The following FGF14 variants were observed in gnomAD, a reference collection of about 807,000 sequenced individuals.
FGF14 encodes the protein fibroblast growth factor 14.
In FGF14, 5 loss-of-function variants were observed where a neutral mutation model predicts 25.5. The ratio of observed to expected loss-of-function variants is 0.20; its 90% confidence interval spans 0.10 to 0.41. The LOEUF is 0.41. FGF14 is among the 10% of genes least tolerant of loss of function. The probability of loss-of-function intolerance (pLI) is 1.00; values close to 1 mark genes in which losing one functional copy is unlikely to be tolerated. For missense variants in FGF14, 222 were observed against 320.1 expected, an observed-to-expected ratio of 0.69 and a Z score of 2.34; for synonymous variants, 138 against 118.3, an observed-to-expected ratio of 1.17 and a Z score of -1.08.
chr13:101,747,460 C>T (rs563921172), intron 3 of FGF14, among the ~76,000 whole-genome samples: 7 of 151,964 alleles, frequency 4.6e-5, no homozygotes, highest in Admixed American at 6.6e-5. Flanking sequence ...TTACTTTTGG[C>T]AAGTTCTTTA....
chr13:101,902,567 T>A (rs999254981), intron 1 of FGF14, among the ~76,000 whole-genome samples: 1 of 152,224 alleles, frequency 6.6e-6, no homozygotes, highest in Non-Finnish European at 1.5e-5. Flanking sequence ...CACTATTAAC[T>A]CATATGTTTA....
chr13:102,328,155 T>G (rs184993448), intron 1 of FGF14, among the ~76,000 whole-genome samples: 369 of 152,258 alleles, frequency 2.4e-3, no homozygotes, highest in African/African-American at 8.2e-3. Flanking sequence ...TCTCACTGTT[T>G]TATTTTGTAC....
rs2034741405 is a variant in FGF14, at chr13:101,716,786, A to G, written c.*6045T>C. On this transcript the variant is annotated 3_prime_UTR_variant, in exon 5 of 5. Coordinates refer to ENST00000376143, the MANE Select transcript of FGF14 (RefSeq NM_004115.4). ...TGGCACCAATCTCAGAAGCTCACAA[A>G]AGACCAAAAAAAAAAAAAAATCTAG... 2.3e-5 allele frequency: 1 copy of G among 43,974 alleles called. No individual in the cohort carries two copies. The highest frequency in any genetic ancestry group is 3.6e-4 in the Admixed American group (1 of 2,788). 2.7% of individuals were successfully genotyped at this position (43,974 alleles called of 1,614,324 possible). A position where few individuals can be genotyped will look rare whatever the true frequency, so the allele number is the denominator to read the frequency against.
chr13:102,196,956 G>GTTT lies in FGF14; in HGVS notation c.208+204514_208+204515insAAA, dbSNP rs147361349. Among the ~76,000 whole-genome samples, 171 of 147,014 alleles carry GTTT rather than the reference G, an allele frequency of 1.2e-3. 1 individual carries two copies. Among genetic ancestry groups the GTTT allele is most frequent in the African/African-American group, 2.5e-3 (99 of 39,998 alleles). On this transcript the variant is annotated intron_variant, in intron 1 of 4. Coordinates refer to the FGF14 transcript ENST00000376131. ...ACCTGAGTCCAGATTTTGTTTTTTT[G>GTTT]GTTTTTTTTTTTCTGCTCTTACAAT...
chr13:102,287,195 G>A (rs2054148178), intron 1 of FGF14, among the ~76,000 whole-genome samples: 1 of 152,180 alleles, frequency 6.6e-6, no homozygotes, highest in Non-Finnish European at 1.5e-5. Context: ...CGATTAGGAA[G>A]AAGGCTAGTA....
chr13:102,173,346 C>T (rs919520263), intron 1 of FGF14, among the ~76,000 whole-genome samples: 5 of 152,022 alleles, frequency 3.3e-5, no homozygotes, highest in Non-Finnish European at 5.9e-5. Context: ...GGTGAGGACA[C>T]GGAGAAATTG....
intron 1 of FGF14, among the ~76,000 whole-genome samples, chr13:102,398,386 A>C (rs747860326): frequency 1.3e-5 from 2 of 152,104 alleles, no homozygotes; most frequent in Admixed American, 1.3e-4. Flanking sequence ...AACCACCTAC[A>C]CTTGTTGACA....
chr13:102,212,784 C>T (rs2050214517), intron 1 of FGF14, among the ~76,000 whole-genome samples: 1 of 152,170 alleles, frequency 6.6e-6, no homozygotes, highest in African/African-American at 2.4e-5. Flanking sequence ...CATCTCAACA[C>T]ATATTATGAG....
intron 1 of FGF14, among the ~76,000 whole-genome samples, chr13:102,099,035 A>G (rs1228879222): frequency 1.3e-5 from 2 of 152,160 alleles, no homozygotes; most frequent in African/African-American, 4.8e-5. Context: ...AAAGAAAAGG[A>G]TATAACAGTG....
chr13:101,993,862 T>C (rs978854300), intron 1 of FGF14, among the ~76,000 whole-genome samples: 1 of 152,000 alleles, frequency 6.6e-6, no homozygotes, highest in Non-Finnish European at 1.5e-5. Flanking sequence ...ATGGCACATG[T>C]ACACATATGT....
rs189734154 is a variant in FGF14, at chr13:101,800,305, G to A, written c.408+68420C>T. Among the ~76,000 whole-genome samples, 7 of 151,938 alleles carry A rather than the reference G, an allele frequency of 4.6e-5. No individual in the cohort carries two copies. The East Asian group carries it at 7.7e-4, about 17-fold the overall frequency. On this transcript the variant is annotated intron_variant, in intron 3 of 4. Coordinates refer to ENST00000376143, the MANE Select transcript of FGF14 (RefSeq NM_004115.4). ...TATTTCATGTCCTTACAAATGATAC[G>A]GAAATATAAAATATAAAAACAAATG...
intron 1 of FGF14, among the ~76,000 whole-genome samples, chr13:102,125,671 G>A: frequency 6.6e-6 from 1 of 152,150 alleles, no homozygotes; most frequent in East Asian, 1.9e-4. Context: ...TTTTGACAAA[G>A]AAGTAAGCAC....
Position 101,715,726 on chromosome 13 carries a change from T to A in FGF14, c.*7105A>T. ...GAACAGATAAATGCGAAGGAAACCA[T>A]GTATATTCACCACTAGGACAGGTTA... On this transcript the variant is annotated 3_prime_UTR_variant, in exon 5 of 5. Coordinates refer to ENST00000376143, the MANE Select transcript of FGF14 (RefSeq NM_004115.4). 2.1e-6 allele frequency: 2 copies of A among 964,478 alleles called. No individual in the cohort carries two copies. Among genetic ancestry groups the A allele is most frequent in the East Asian group, 4.8e-5 (2 of 41,954 alleles). The allele number at this position is 964,478 out of a possible 1,614,324, so 59.7% of individuals were successfully genotyped here.
chr13:101,726,546 C>A lies in FGF14; in HGVS notation c.607+66G>T, dbSNP rs2035449396. 2.1e-6 allele frequency: 3 copies of A among 1,448,454 alleles called. No individual in the cohort carries two copies. The Admixed American group carries it at 5.0e-5, about 24-fold the overall frequency. The allele number at this position is 1,448,454 out of a possible 1,614,324, so 89.7% of individuals were successfully genotyped here. A position where few individuals can be genotyped will look rare whatever the true frequency, so the allele number is the denominator to read the frequency against. The stretch of plus-strand genomic sequence containing the variant: ...GAAGGTTTCTTAGAGCCATGGTAGA[C>A]CTATCAATTTGAAAAATAAAATATG... On this transcript the variant is annotated intron_variant, in intron 4 of 4. Transcript: ENST00000376143.
At chr13:102,131,122 A>G (rs2046178259) in intron 1 of FGF14, among the ~76,000 whole-genome samples, 1 of 152,204 alleles carries the variant, frequency 6.6e-6, no homozygotes, top group South Asian at 2.1e-4. Context: ...CCTCATAGAC[A>G]TGAATTCCCT....
At chr13:102,358,794 T>A (rs1362897318) in intron 1 of FGF14, among the ~76,000 whole-genome samples, 1 of 152,230 alleles carries the variant, frequency 6.6e-6, no homozygotes, top group Non-Finnish European at 1.5e-5. Flanking sequence ...CTATAATGAA[T>A]GGAGTTAAAC....
At chr13:102,378,717 A>G (rs11839868) in intron 1 of FGF14, among the ~76,000 whole-genome samples, 8,828 of 151,934 alleles carry the variant, frequency 0.058, 834 homozygotes, top group African/African-American at 0.2. Context: ...ACAAAAAAAC[A>G]AAAAGAATCC....
chr13:101,868,439 C>T, intron 3 of FGF14: 1 of 323,182 alleles, frequency 3.1e-6, no homozygotes, highest in Non-Finnish European at 5.9e-6. Context: ...AAGATAAGTG[C>T]ATTTCTAACT....
intron 1 of FGF14, among the ~76,000 whole-genome samples, chr13:102,247,729 T>C (rs930139084): frequency 6.6e-6 from 1 of 152,084 alleles, no homozygotes; most frequent in African/African-American, 2.4e-5. Context: ...CTCAGCAATC[T>C]CATTACTGGG....
Sources: allele counts gnomAD v4.1 joint callset (sites outside exome capture counted in the v4.1 genomes callset), GRCh38; gene constraint gnomAD v4.1.1; transcripts MANE v1.5; gene names NCBI Gene and HGNC (gene_info 2026-07-23, HGNC 2026-07-21).